ARID1A: variants seen among roughly 807,000 people sequenced by gnomAD.
The protein encoded by ARID1A is AT-rich interaction domain 1A.
ARID1A carries 20 observed loss-of-function variants against 212.6 expected under a neutral mutation model. That is an observed-to-expected ratio of 0.09 (90% CI 0.07 to 0.14). The LOEUF (loss-of-function observed/expected upper bound fraction) is 0.14. ARID1A is among the 10% of genes least tolerant of loss of function. The pLI, the probability that ARID1A is intolerant of heterozygous loss-of-function variation, is 1.00. For missense variants in ARID1A, 2,587 were observed against 3,059.0 expected (o/e 0.85, Z 3.64); for synonymous variants, 1,376 against 1,222.1 (o/e 1.13, Z -2.63).
intron 10 of ARID1A, 58 bp from the exon 11 acceptor site, chr1:26,767,732 C>G (rs2124085411): frequency 2.7e-6 from 4 of 1,491,394 alleles, no homozygotes; most frequent in South Asian, 1.2e-5. Context: ...CTTCTGAGAC[C>G]CTTAGCACAG....
intron 19 of ARID1A, among the ~76,000 whole-genome samples, chr1:26,777,393 A>ATT (rs773418013): frequency 2.9e-4 from 39 of 136,332 alleles, no homozygotes; most frequent in African/African-American, 5.7e-4. Flanking sequence ...TGCTCAGCTA[A>ATT]TTTTTTTTTT....
At position 26,780,471 on chromosome 1, in the gene ARID1A, T is replaced by C. The variant is rs2124150601; in HGVS notation, c.6573T>C (p.Ser2191=). 1 of 1,614,220 alleles carries C rather than the reference T, an allele frequency of 6.2e-7. No individual in the cohort carries two copies. The highest frequency in any genetic ancestry group is 2.2e-5 in the East Asian group (1 of 44,876). Reference sequence around the variant, plus strand: ...GTGCCATTGCAGTGCAGAAGGGCAGTATCGGCAACCTCCTGGGCTTCCTAG... The same window carrying C: ...GTGCCATTGCAGTGCAGAAGGGCAGCATCGGCAACCTCCTGGGCTTCCTAG... ...AARAIAVQKG[S]IGNLLGFLED... Residue 2191 remains serine, a synonymous_variant, in exon 20 of 20, where the codon AGT becomes AGC. Transcript: ENST00000324856. The surrounding 1 kb of genome is among the most constrained non-coding windows in gnomAD (Gnocchi z 7.2).
rs1445501993 is a variant in ARID1A, at chr1:26,697,418, G to A, written c.1015G>A (p.Ala339Thr). Residue 339 changes from alanine (A) to threonine (T), a missense_variant, in exon 1 of 20, where the codon GCT becomes ACT. Ala to Thr is a moderately conservative substitution (Grantham distance 58). Transcript: ENST00000324856. ...PADMASQCWG[A>T]AAAAAAAAAA... Reference sequence around the variant, plus strand: ...GGACATGGCCTCGCAGTGTTGGGGGGCTGCGGCGGCGGCAGCTGCGGCGGC... The same window carrying A: ...GGACATGGCCTCGCAGTGTTGGGGGACTGCGGCGGCGGCAGCTGCGGCGGC... 5 of 1,348,920 alleles carry A rather than the reference G, an allele frequency of 3.7e-6. No homozygotes were observed. Among genetic ancestry groups the A allele is most frequent in the African/African-American group, 1.5e-5 (1 of 65,074 alleles). 83.6% of individuals were successfully genotyped at this position (1,348,920 alleles called of 1,614,324 possible). A position where few individuals can be genotyped will look rare whatever the true frequency, so the allele number is the denominator to read the frequency against.
chr1:26,768,113 GCTTT>G, intron 11 of ARID1A, 114 bp downstream of exon 11: 1 of 1,182,148 alleles, frequency 8.5e-7, no homozygotes, highest in Non-Finnish European at 1.2e-6. Flanking sequence ...CCCCTCTCCC[GCTTT>G]CTGAGTCTAA....
At position 26,696,719 on chromosome 1, in the gene ARID1A, A is replaced by G; in HGVS notation, c.316A>G (p.Asn106Asp). ...AEPDLKNSNG[N>D]AGPRPALNNN... ...GCCGGACCTGAAGAACTCGAACGGGAACGCGGGCCCTAGGCCCGCCCTGAA... is the reference window on the plus strand; with the variant it reads ...GCCGGACCTGAAGAACTCGAACGGGGACGCGGGCCCTAGGCCCGCCCTGAA... Residue 106 changes from asparagine to aspartate, a missense_variant, in exon 1 of 20, where the codon AAC (asparagine) becomes GAC (aspartate). By Grantham distance (23) the Asn-to-Asp change is conservative. Around this residue, in one of 11 missense-constraint regions of ARID1A, gnomAD observed 735 missense variants for 590.6 expected, o/e 1.24. Transcript: ENST00000324856. 7.3e-7 allele frequency: 1 copy of G among 1,367,064 alleles called. No individual in the cohort carries two copies. The highest frequency in any genetic ancestry group is 1.7e-5 in the South Asian group (1 of 58,294). The allele number at this position is 1,367,064 out of a possible 1,614,324, so 84.7% of individuals were successfully genotyped here.
At chr1:26,744,625 C>G (rs1329191576) in intron 4 of ARID1A, among the ~76,000 whole-genome samples, 2 of 152,236 alleles carry the variant, frequency 1.3e-5, no homozygotes, top group Admixed American at 1.3e-4. Context: ...TCTTTTGTAC[C>G]TGGAGCTTTT....
Position 26,763,643 on chromosome 1 carries a change from G to A in ARID1A, c.2732+358G>A, listed in dbSNP as rs965678673. Among the ~76,000 whole-genome samples, 6 of 152,300 alleles carry A rather than the reference G, an allele frequency of 3.9e-5. No individual in the cohort carries two copies. In the South Asian group the frequency reaches 1.0e-3, roughly 26 times the overall value. Reference sequence around the variant, plus strand: ...AAATTAGCTGGGTGTGGTGGCGCACGCCTGTAATCCCGGCTATCGGGAGGC... The same window carrying A: ...AAATTAGCTGGGTGTGGTGGCGCACACCTGTAATCCCGGCTATCGGGAGGC... On this transcript the variant is annotated intron_variant, in intron 8 of 19. Transcript: ENST00000324856.
In ARID1A at chr1:26,697,027, C is replaced by T. The variant is rs770301214; in HGVS notation, c.624C>T (p.Pro208=). 6.5e-7 allele frequency: 1 copy of T among 1,538,466 alleles called. No individual in the cohort carries two copies. Among genetic ancestry groups the T allele is most frequent in the South Asian group, 1.2e-5 (1 of 82,806 alleles). The change falls in exon 1 of 20, where the codon CCC becomes CCT. Residue 208 remains proline, a synonymous_variant. Coordinates refer to ENST00000324856, the MANE Select transcript of ARID1A (RefSeq NM_006015.6). ...AGAACTCTCACGACCACGGCTTCCC[C>T]AACCACCAGTACAACTCCTACTACC... ...PQQNSHDHGF[P]NHQYNSYYPN...
Position 26,697,178 on chromosome 1 carries a change from GCCT to G in ARID1A, c.780_782del (p.Ser265del). Reference sequence around the variant, plus strand: ...GCCGCCTCCCTCCTCCAGCGCCTCCGCCTCCTCGTCGTCTTCGTCCTTCGCTCA... The same window carrying G: ...GCCGCCTCCCTCCTCCAGCGCCTCCGCCTCGTCGTCTTCGTCCTTCGCTCA... On this transcript the variant is annotated inframe_deletion, in exon 1 of 20. Transcript: ENST00000324856. 7.0e-7 allele frequency: 1 copy of G among 1,430,560 alleles called. No individual in the cohort carries two copies. Among genetic ancestry groups the G allele is most frequent in the South Asian group, 1.5e-5 (1 of 66,562 alleles). 88.6% of individuals were successfully genotyped at this position (1,430,560 alleles called of 1,614,324 possible). A position where few individuals can be genotyped will look rare whatever the true frequency, so the allele number is the denominator to read the frequency against.
At chr1:26,697,612 GC>G in intron 1 of ARID1A, 72 bp downstream of exon 1, 2 of 1,246,626 alleles carry the variant, frequency 1.6e-6, no homozygotes. Flanking sequence ...CGGTGAGCGG[GC>G]CACAGCCTTG....
In ARID1A at chr1:26,780,838, A is replaced by T; in HGVS notation, c.*82A>T. The stretch of plus-strand genomic sequence containing the variant: ...ACTGACTGTTGCCCTTTATTTATGC[A>T]AAACCACCTCAGAATCCAGTTTACC... On this transcript the variant is annotated 3_prime_UTR_variant, in exon 20 of 20. Coordinates refer to ENST00000324856, the MANE Select transcript of ARID1A (RefSeq NM_006015.6). This position sits in a 1 kb window ranked among gnomAD's most constrained non-coding sequence, Gnocchi z 7.2. 6.7e-7 allele frequency: 1 copy of T among 1,484,852 alleles called. No homozygotes were observed. Among genetic ancestry groups the T allele is most frequent in the Non-Finnish European group, 9.0e-7 (1 of 1,114,214 alleles). 92.0% of individuals were successfully genotyped at this position (1,484,852 alleles called of 1,614,324 possible). A position where few individuals can be genotyped will look rare whatever the true frequency, so the allele number is the denominator to read the frequency against.
At chr1:26,762,633 T>C (rs961331668) in intron 7 of ARID1A, among the ~76,000 whole-genome samples, 1 of 152,250 alleles carries the variant, frequency 6.6e-6, no homozygotes, top group Non-Finnish European at 1.5e-5. Flanking sequence ...TTATTAATTA[T>C]TTTTAGTGAA....
Position 26,697,487 on chromosome 1 carries a change from A to G in ARID1A, c.1084A>G (p.Met362Val), listed in dbSNP as rs2080283481. 1 of 1,403,326 alleles carries G rather than the reference A, an allele frequency of 7.1e-7. No homozygotes were observed. The highest frequency in any genetic ancestry group is 9.2e-7 in the Non-Finnish European group (1 of 1,086,148). 86.9% of individuals were successfully genotyped at this position (1,403,326 alleles called of 1,614,324 possible). A position where few individuals can be genotyped will look rare whatever the true frequency, so the allele number is the denominator to read the frequency against. ...CCAACAAAGGAGCCACCACGCGCCC[A>G]TGAGCCCCGGGAGCAGCGGCGGCGG... is the stretch of plus-strand genomic sequence containing the variant. ...GAQQRSHHAP[M>V]SPGSSGGGGQ... The change falls in exon 1 of 20, where the codon ATG (methionine) becomes GTG (valine). Residue 362 changes from methionine to valine, a missense_variant. Transcript: ENST00000324856.
rs912059538 is a variant in ARID1A at position 26,773,690 on chromosome 1, C to T, written c.3977C>T (p.Pro1326Leu). 27 of 1,613,218 alleles carry T rather than the reference C, an allele frequency of 1.7e-5. No individual in the cohort carries two copies. Among genetic ancestry groups the T allele is most frequent in the Middle Eastern group, 1.6e-4 (1 of 6,080 alleles). The change falls in exon 16 of 20, where the codon CCG becomes CTG. Residue 1326 changes from proline to leucine, a missense_variant. This residue lies in a region of ARID1A where 890 missense variants were observed against 1,098.2 expected (regional missense o/e 0.81). Coordinates refer to ENST00000324856, the MANE Select transcript of ARID1A (RefSeq NM_006015.6). ...SGMYSPSRYP[P>L]QQQQQQQQRH... ...ATGTATTCTCCTAGCCGCTACCCCC[C>T]GCAGCAGCAGCAGCAGCAGCAGCAA...
chr1:26,741,612 G>A (rs2080788903), intron 4 of ARID1A, among the ~76,000 whole-genome samples: 1 of 152,154 alleles, frequency 6.6e-6, no homozygotes, highest in African/African-American at 2.4e-5. Context: ...AATTTCTAAG[G>A]GACGCTATAC....
chr1:26,720,777 T>A (rs1165860203), intron 1 of ARID1A, among the ~76,000 whole-genome samples: 1 of 151,242 alleles, frequency 6.6e-6, no homozygotes, highest in East Asian at 2.0e-4. Flanking sequence ...GGTGGGAGGA[T>A]CACCTGAGCC....
chr1:26,773,333 T>G lies in ARID1A; in HGVS notation c.3716-13T>G. ...CTTACCAGTTTGTTCACCGCTTGCCTTTCTACGCTCAGCTCCAGGGAGTGA... is the reference window on the plus strand; with the variant it reads ...CTTACCAGTTTGTTCACCGCTTGCCGTTCTACGCTCAGCTCCAGGGAGTGA... On this transcript the variant is annotated splice_polypyrimidine_tract_variant and intron_variant, in intron 14 of 19. Coordinates refer to ENST00000324856, the MANE Select transcript of ARID1A (RefSeq NM_006015.6). 1 of 1,557,880 alleles carries G rather than the reference T, an allele frequency of 6.4e-7. No homozygotes were observed. Among genetic ancestry groups the G allele is most frequent in the Non-Finnish European group, 8.7e-7 (1 of 1,154,194 alleles).
chr1:26,699,415 C>T (rs374089820), intron 1 of ARID1A, among the ~76,000 whole-genome samples: 179 of 152,296 alleles, frequency 1.2e-3, no homozygotes, highest in African/African-American at 4.0e-3. Flanking sequence ...AAACCCCTTG[C>T]GCTTTTGTGC....
In ARID1A at chr1:26,696,216, C is replaced by A; in HGVS notation, c.-188C>A. On this transcript the variant is annotated 5_prime_UTR_variant, in exon 1 of 20. Coordinates refer to ENST00000324856, the MANE Select transcript of ARID1A (RefSeq NM_006015.6). ...GCCGCCTCCTCCTCCTCCGCCGCCG[C>A]CAGCCCGGAGCCTGAGCCGGCGGGG... The A allele has an allele frequency of 1.2e-6, 1 of 841,480 alleles. No individual in the cohort carries two copies. Among genetic ancestry groups the A allele is most frequent in the Non-Finnish European group, 1.5e-6 (1 of 652,688 alleles). 52.1% of individuals were successfully genotyped at this position (841,480 alleles called of 1,614,324 possible). A position where few individuals can be genotyped will look rare whatever the true frequency, so the allele number is the denominator to read the frequency against.
Sources: allele counts gnomAD v4.1 joint callset (sites outside exome capture counted in the v4.1 genomes callset), GRCh38; gene constraint gnomAD v4.1.1; regional missense constraint gnomAD v4.1.1; non-coding constraint Gnocchi (gnomAD v3.1); transcripts MANE v1.5; gene names NCBI Gene and HGNC (gene_info 2026-07-23, HGNC 2026-07-21).